COL23A1: variants seen among roughly 807,000 people sequenced by gnomAD.
COL23A1 encodes collagen alpha-1(XXIII) chain.
COL23A1 carries 97 observed loss-of-function variants against 99.3 expected under a neutral mutation model. That is an observed-to-expected ratio of 0.98 (90% CI 0.83 to 1.16). COL23A1 has a LOEUF of 1.16. Among genes scored for constraint, COL23A1 ranks in the 50% most tolerant of loss-of-function variants. The probability of loss-of-function intolerance (pLI) is 0.00; values close to 1 mark genes in which losing one functional copy is unlikely to be tolerated. For synonymous variants in COL23A1, 320 were observed against 308.2 expected, an observed-to-expected ratio of 1.04 and a Z score of -0.40; for missense variants, 762 against 757.4, an observed-to-expected ratio of 1.01 and a Z score of -0.07.
In COL23A1 at chr5:178,384,963, C is replaced by T. The variant is rs1763591902; in HGVS notation, c.362-78044G>A. Among the ~76,000 whole-genome samples the T allele has an allele frequency of 6.6e-6, 1 of 152,198 alleles. No homozygotes were observed. The highest frequency in any genetic ancestry group is 6.5e-5 in the Admixed American group (1 of 15,290). ...GCCCAGCCTCCCTGCCTGCCCCATC[C>T]AAGCCACCACACTGGGCTGCCCAGC... On this transcript the variant is annotated intron_variant, in intron 2 of 28. Transcript: ENST00000390654. The surrounding 1 kb of genome is among the most constrained non-coding windows in gnomAD (Gnocchi z 5.5).
rs139317563 is a variant in COL23A1 at position 178,495,516 on chromosome 5, G to A, written c.361+65166C>T. Among the ~76,000 whole-genome samples the A allele has an allele frequency of 3.3e-5, 5 of 152,266 alleles. No homozygotes were observed. The East Asian group carries it at 9.7e-4, about 29-fold the overall frequency. The stretch of plus-strand genomic sequence containing the variant: ...AACAGCCCGAATCCTCTGGAGAGAT[G>A]CTAGATGCCACTCTGAGATGGGGGA... On this transcript the variant is annotated intron_variant, in intron 2 of 28. Transcript: ENST00000390654.
chr5:178,340,561 G>A lies in COL23A1; in HGVS notation c.362-33642C>T, dbSNP rs1016690933. ...CATGCGAACCATCTAGGAATCTTGC[G>A]GAAATCCAGGGGCTGACGCAGAGGT... is the stretch of plus-strand genomic sequence containing the variant. On this transcript the variant is annotated intron_variant, in intron 2 of 28. Coordinates refer to ENST00000390654, the MANE Select transcript of COL23A1 (RefSeq NM_173465.4). This position sits in a 1 kb window ranked among gnomAD's most constrained non-coding sequence, Gnocchi z 4.7. 6.6e-5 allele frequency among the ~76,000 whole-genome samples: 10 copies of A among 152,136 alleles called. No individual in the cohort carries two copies. The highest frequency in any genetic ancestry group is 1.9e-4 in the East Asian group (1 of 5,186).
intron 2 of COL23A1, among the ~76,000 whole-genome samples, chr5:178,504,313 TA>T (rs941447783): frequency 2.0e-5 from 3 of 151,252 alleles, no homozygotes; most frequent in South Asian, 2.1e-4. Context: ...AAATGCCAAT[TA>T]AAAAAAAACC....
chr5:178,430,086 A>AC (rs902212657), intron 2 of COL23A1, among the ~76,000 whole-genome samples: 14 of 152,216 alleles, frequency 9.2e-5, no homozygotes, highest in Admixed American at 9.2e-4. Flanking sequence ...ACCTGGAAAG[A>AC]CCCACGTGCC....
rs1356060618 is a variant in COL23A1 at position 178,439,895 on chromosome 5, C to T, written c.361+120787G>A. ...ATGGATGAGCCCCAGAAATGCGACG[C>T]TGAGTGACAGAAGCCAGACACAAAG... On this transcript the variant is annotated intron_variant, in intron 2 of 28. Transcript: ENST00000390654. This position sits in a 1 kb window ranked among gnomAD's most constrained non-coding sequence, Gnocchi z 4.2. 1 of 152,182 alleles carries T rather than the reference C, an allele frequency of 6.6e-6. No individual in the cohort carries two copies. Among genetic ancestry groups the T allele is most frequent in the African/African-American group, 2.4e-5 (1 of 41,424 alleles). 9.4% of individuals were successfully genotyped at this position (152,182 alleles called of 1,614,324 possible).
At chr5:178,579,249 C>G (rs1323764571) in intron 1 of COL23A1, among the ~76,000 whole-genome samples, 1 of 152,220 alleles carries the variant, frequency 6.6e-6, no homozygotes. Flanking sequence ...ATACCAGCAG[C>G]CATGTTCAGG....
rs1040452591 is a variant in COL23A1, at chr5:178,280,652, G to A, written c.441+7672C>T. Among the ~76,000 whole-genome samples the A allele has an allele frequency of 3.3e-5, 5 of 152,226 alleles. No homozygotes were observed. The highest frequency in any genetic ancestry group is 7.4e-5 in the Non-Finnish European group (5 of 68,004). On this transcript the variant is annotated intron_variant, in intron 5 of 28. Coordinates refer to ENST00000390654, the MANE Select transcript of COL23A1 (RefSeq NM_173465.4). The surrounding 1 kb of genome is among the most constrained non-coding windows in gnomAD (Gnocchi z 4.9). ...ATGTGATGGGGCGAGGATGCTGTGG[G>A]GCTGGTCTGTTGCCTGGGGAAGTGG...
intron 8 of COL23A1, among the ~76,000 whole-genome samples, chr5:178,264,170 G>T (rs962829395): frequency 6.6e-6 from 1 of 152,072 alleles, no homozygotes; most frequent in Non-Finnish European, 1.5e-5. Flanking sequence ...GTGTGTACAG[G>T]TGGGGGCATC....
chr5:178,532,860 G>A (rs1760726502), intron 2 of COL23A1, among the ~76,000 whole-genome samples: 1 of 152,162 alleles, frequency 6.6e-6, no homozygotes, highest in Non-Finnish European at 1.5e-5. Context: ...GAAGGCAGCT[G>A]CCTACAAGCC....
intron 25 of COL23A1, among the ~76,000 whole-genome samples, chr5:178,243,060 C>T (rs1051223823): frequency 6.6e-6 from 1 of 152,108 alleles, no homozygotes; most frequent in African/African-American, 2.4e-5. Context: ...TATGGTGATG[C>T]GCGCCTGTAA....
intron 2 of COL23A1, among the ~76,000 whole-genome samples, chr5:178,431,910 T>C (rs1249934383): frequency 6.6e-6 from 1 of 152,250 alleles, no homozygotes; most frequent in Non-Finnish European, 1.5e-5. Flanking sequence ...CAAAGTTGTC[T>C]GTGGTCACTT....
chr5:178,551,317 C>A (rs1245248849), intron 2 of COL23A1, among the ~76,000 whole-genome samples: 1 of 151,884 alleles, frequency 6.6e-6, no homozygotes, highest in Non-Finnish European at 1.5e-5. Context: ...ACAGAAACTT[C>A]AAGATCTTTA....
chr5:178,585,920 C>T (rs1763978161), intron 1 of COL23A1, among the ~76,000 whole-genome samples: 1 of 152,220 alleles, frequency 6.6e-6, no homozygotes, highest in African/African-American at 2.4e-5. Flanking sequence ...TGACCTAGCT[C>T]TGGCTAGTGG....
chr5:178,406,859 TA>T (rs1436069387), intron 2 of COL23A1, among the ~76,000 whole-genome samples: 6 of 152,218 alleles, frequency 3.9e-5, no homozygotes, highest in African/African-American at 1.4e-4. Context: ...TTTAAAATGT[TA>T]TAAAGCTACA....
intron 2 of COL23A1, among the ~76,000 whole-genome samples, chr5:178,532,835 G>C (rs1581581209): frequency 6.6e-6 from 1 of 152,182 alleles, no homozygotes; most frequent in African/African-American, 2.4e-5. Context: ...TTTCTGACAC[G>C]TGAGGATGTG....
chr5:178,425,111 G>A (rs1157061897), intron 2 of COL23A1, among the ~76,000 whole-genome samples: 1 of 152,220 alleles, frequency 6.6e-6, no homozygotes, highest in Non-Finnish European at 1.5e-5. Flanking sequence ...AAAGCAGCCT[G>A]TAAAATCCAA....
At chr5:178,314,013 C>T (rs765091729) in intron 2 of COL23A1, among the ~76,000 whole-genome samples, 2 of 152,060 alleles carry the variant, frequency 1.3e-5, no homozygotes, top group African/African-American at 2.4e-5. Context: ...TCACAAAGCC[C>T]TCTGTCCCTT....
chr5:178,516,951 G>A (rs1759552372), intron 2 of COL23A1, among the ~76,000 whole-genome samples: 1 of 152,224 alleles, frequency 6.6e-6, no homozygotes, highest in Non-Finnish European at 1.5e-5. Context: ...TGCAATATCT[G>A]TGGCTTTGTG....
At chr5:178,528,150 C>T (rs973582566) in intron 2 of COL23A1, among the ~76,000 whole-genome samples, 3 of 152,142 alleles carry the variant, frequency 2.0e-5, no homozygotes, top group Admixed American at 6.5e-5. Flanking sequence ...GCCACCTGTT[C>T]TACCCCTCAG....
Sources: allele counts gnomAD v4.1 joint callset (sites outside exome capture counted in the v4.1 genomes callset), GRCh38; gene constraint gnomAD v4.1.1; non-coding constraint Gnocchi (gnomAD v3.1); transcripts MANE v1.5; gene names NCBI Gene and HGNC (gene_info 2026-07-23, HGNC 2026-07-21).